The following TRIM13 variants were observed in gnomAD, a reference collection of about 807,000 sequenced individuals.
TRIM13 encodes the protein tripartite motif containing 13.
Under a neutral mutation model 27.1 loss-of-function variants are expected in TRIM13, and 15 were observed. That is an observed-to-expected ratio of 0.55 (90% CI 0.37 to 0.85). TRIM13 has a LOEUF of 0.85. Among genes scored for constraint, TRIM13 ranks in the 40% least tolerant of loss-of-function variants. The pLI is 0.00. For missense variants in TRIM13, 402 were observed against 472.2 expected (o/e 0.85, Z 1.38); for synonymous variants, 193 against 171.5 (o/e 1.13, Z -0.98).
At chr13:50,006,947 G>T (rs999015192) in intron 1 of TRIM13, among the ~76,000 whole-genome samples, 20 of 152,148 alleles carry the variant, frequency 1.3e-4, no homozygotes, top group Non-Finnish European at 2.6e-4. Context: ...CTGGGAGGCT[G>T]AGGTGGGCGG....
At chr13:49,999,668 A>C (rs567218292) in intron 1 of TRIM13, among the ~76,000 whole-genome samples, 2 of 152,188 alleles carry the variant, frequency 1.3e-5, no homozygotes, top group African/African-American at 4.8e-5. Flanking sequence ...GTGTGGCACC[A>C]TTCCCAGATA....
rs953687695 is a variant in TRIM13 at position 49,997,759 on chromosome 13, C to CA, written c.-10dup. ...GCCAAATACATCAGCTTGTAGGAGA[C>CA]AGAGGTAAACTACAATAATTTTCCT... On this transcript the variant is annotated 5_prime_UTR_variant, in exon 1 of 2. Coordinates refer to ENST00000378182, the MANE Select transcript of TRIM13 (RefSeq NM_213590.3). The CA allele has an allele frequency of 2.0e-5, 3 of 151,222 alleles. No homozygotes were observed. The highest frequency in any genetic ancestry group is 7.3e-5 in the African/African-American group (3 of 41,084). 9.4% of individuals were successfully genotyped at this position (151,222 alleles called of 1,614,324 possible).
intron 1 of TRIM13, among the ~76,000 whole-genome samples, chr13:50,000,200 C>T (rs560203113): frequency 6.6e-6 from 1 of 152,178 alleles, no homozygotes; most frequent in South Asian, 2.1e-4. Flanking sequence ...TTACTAAGTC[C>T]TATAAAACTA....
chr13:50,017,981 C>T lies in TRIM13; in HGVS notation c.*4817C>T, dbSNP rs931109773. On this transcript the variant is annotated 3_prime_UTR_variant, in exon 2 of 2. Transcript: ENST00000378182. ...TTGCTCAGTTATTATCTCTCAAGGTCACAGTACTAGAAATACTTGGCTTGC... is the reference window on the plus strand; with the variant it reads ...TTGCTCAGTTATTATCTCTCAAGGTTACAGTACTAGAAATACTTGGCTTGC... 4 of 167,004 alleles carry T rather than the reference C, an allele frequency of 2.4e-5. No homozygotes were observed. The highest frequency in any genetic ancestry group is 5.9e-5 in the Non-Finnish European group (4 of 68,106). 10.3% of individuals were successfully genotyped at this position (167,004 alleles called of 1,614,324 possible). A position where few individuals can be genotyped will look rare whatever the true frequency, so the allele number is the denominator to read the frequency against.
rs780297114 is a variant in TRIM13, at chr13:50,015,593, A to G, written c.*2429A>G. The stretch of plus-strand genomic sequence containing the variant: ...GTTTCCTGCTTCTCGTTTGGCACGC[A>G]TGTTAGATGGCAGAGACCAAGAATT... On this transcript the variant is annotated 3_prime_UTR_variant, in exon 2 of 2. Coordinates refer to ENST00000378182, the MANE Select transcript of TRIM13 (RefSeq NM_213590.3). The G allele has an allele frequency of 2.2e-5, 36 of 1,614,010 alleles. No homozygotes were observed. The highest frequency in any genetic ancestry group is 2.8e-5 in the Non-Finnish European group (33 of 1,179,974).
rs776525959 is a variant in TRIM13 at position 50,012,738 on chromosome 13, T to A, written c.798T>A (p.Pro266=). Residue 266 remains proline, a synonymous_variant, in exon 2 of 2, where the codon CCT becomes CCA. Transcript: ENST00000378182. ...REKIKVIKET[P]LPPSNLPASP... ...AAATCAAAGTAATCAAGGAAACTCC[T>A]TTACCTCCCTCTAATTTGCCTGCAA... is the stretch of plus-strand genomic sequence containing the variant. 6.2e-7 allele frequency: 1 copy of A among 1,614,080 alleles called. No individual in the cohort carries two copies. The highest frequency in any genetic ancestry group is 1.1e-5 in the South Asian group (1 of 91,086).
In TRIM13 at chr13:50,014,425, T is replaced by G. The variant is rs956445934; in HGVS notation, c.*1261T>G. 1 of 153,586 alleles carries G rather than the reference T, an allele frequency of 6.5e-6. No homozygotes were observed. Among genetic ancestry groups the G allele is most frequent in the Non-Finnish European group, 1.5e-5 (1 of 65,840 alleles). 9.5% of individuals were successfully genotyped at this position (153,586 alleles called of 1,614,324 possible). ...CATATATATGTATATATAGAACACA[T>G]GGCAAGAGCAGGAAATGGGAAGACT... On this transcript the variant is annotated 3_prime_UTR_variant, in exon 2 of 2. Coordinates refer to ENST00000378182, the MANE Select transcript of TRIM13 (RefSeq NM_213590.3).
rs149930846 is a variant in TRIM13, at chr13:50,008,478, C to CA, written c.-6-3447dup. Among the ~76,000 whole-genome samples, 178 of 145,996 alleles carry CA rather than the reference C, an allele frequency of 1.2e-3. 1 individual carries two copies. The highest frequency in any genetic ancestry group is 3.5e-3 in the African/African-American group (141 of 39,868). On this transcript the variant is annotated intron_variant, in intron 1 of 1. Coordinates refer to ENST00000378182, the MANE Select transcript of TRIM13 (RefSeq NM_213590.3). ...GCCAGCTAGTAAGACCTGGTCTCTA[C>CA]AAAAAAAAAAGTAGCCAGGCGTGGT...
intron 1 of TRIM13, among the ~76,000 whole-genome samples, chr13:50,005,546 C>T (rs866105545): frequency 7.3e-5 from 11 of 151,366 alleles, no homozygotes; most frequent in East Asian, 6.0e-4. Context: ...TGGTTGTAGG[C>T]GCGTGTAATC....
At chr13:50,010,022 C>T (rs1301715306) in intron 1 of TRIM13, among the ~76,000 whole-genome samples, 3 of 148,888 alleles carry the variant, frequency 2.0e-5, no homozygotes, top group African/African-American at 4.9e-5. Flanking sequence ...TTTAAATAGC[C>T]TTTTCAGGTA....
rs1876382033 is a variant in TRIM13, at chr13:50,015,198, AG to A, written c.*2037del. The A allele has an allele frequency of 5.7e-6, 1 of 176,586 alleles. No individual in the cohort carries two copies. Among genetic ancestry groups the A allele is most frequent in the African/African-American group, 2.6e-5 (1 of 38,354 alleles). The allele number at this position is 176,586 out of a possible 1,614,324, so 10.9% of individuals were successfully genotyped here. On this transcript the variant is annotated 3_prime_UTR_variant, in exon 2 of 2. Transcript: ENST00000378182. ...TAAGTTTTTAAATGTAAGACAGGAA[AG>A]GGATCTATTTGATGTCTATCTTCAG...
At chr13:50,005,535 A>G (rs973580109) in intron 1 of TRIM13, among the ~76,000 whole-genome samples, 5 of 151,370 alleles carry the variant, frequency 3.3e-5, no homozygotes, top group Admixed American at 2.6e-4. Flanking sequence ...TTAGCCTGGC[A>G]TGGTTGTAGG....
intron 1 of TRIM13, among the ~76,000 whole-genome samples, chr13:50,005,688 G>C (rs1185074939): frequency 1.3e-5 from 2 of 150,690 alleles, no homozygotes; most frequent in Non-Finnish European, 3.0e-5. Flanking sequence ...AAAAAAAAGA[G>C]AGAAGGCATA....
chr13:50,002,401 A>G (rs1263908762), intron 1 of TRIM13, among the ~76,000 whole-genome samples: 1 of 152,126 alleles, frequency 6.6e-6, no homozygotes, highest in East Asian at 1.9e-4. Flanking sequence ...AAACAAAAAC[A>G]AAAACAAACC....
At chr13:50,007,266 G>A (rs1874851956) in intron 1 of TRIM13, among the ~76,000 whole-genome samples, 1 of 151,482 alleles carries the variant, frequency 6.6e-6, no homozygotes, top group East Asian at 1.9e-4. Context: ...TGAGGCAGGT[G>A]GATCATGAGG....
rs1479472461 is a variant in TRIM13, at chr13:50,013,107, T to C, written c.1167T>C (p.Phe389=). ...TTTTCAATGAAAGATTCAAGAATTT[T>C]ACTTTGGTGGTACTGAACAATGTGG... ...FFIFNERFKN[F]TLVVLNNVAE... Residue 389 remains phenylalanine, a synonymous_variant, in exon 2 of 2, where the codon TTT becomes TTC. Transcript: ENST00000378182. 1 of 1,612,440 alleles carries C rather than the reference T, an allele frequency of 6.2e-7. No homozygotes were observed. The highest frequency in any genetic ancestry group is 2.2e-5 in the East Asian group (1 of 44,868).
intron 1 of TRIM13, among the ~76,000 whole-genome samples, chr13:50,008,651 TA>T (rs1008788509): frequency 2.0e-5 from 3 of 151,888 alleles, no homozygotes; most frequent in Non-Finnish European, 4.4e-5. Context: ...AAATAAGAAT[TA>T]AAAATAATAA....
At chr13:50,000,463 A>G (rs999330222) in intron 1 of TRIM13, among the ~76,000 whole-genome samples, 2 of 152,230 alleles carry the variant, frequency 1.3e-5, no homozygotes, top group African/African-American at 4.8e-5. Flanking sequence ...AAAAAACACA[A>G]CAACCCACAA....
At chr13:50,010,693 C>T (rs1030460234) in intron 1 of TRIM13, among the ~76,000 whole-genome samples, 1 of 152,180 alleles carries the variant, frequency 6.6e-6, no homozygotes, top group African/African-American at 2.4e-5. Context: ...CTAATTTTTA[C>T]ATAAAACCCA....
Sources: allele counts gnomAD v4.1 joint callset (sites outside exome capture counted in the v4.1 genomes callset), GRCh38; gene constraint gnomAD v4.1.1; transcripts MANE v1.5; gene names NCBI Gene and HGNC (gene_info 2026-07-23, HGNC 2026-07-21).